Variants in CD2AP observed in about 807,000 individuals in gnomAD.
The protein encoded by CD2AP is CD2-associated protein.
In CD2AP, 46 loss-of-function variants were observed where a neutral mutation model predicts 85.1. The ratio of observed to expected loss-of-function variants is 0.54; its 90% confidence interval spans 0.43 to 0.69. The LOEUF is 0.69. Ranked by LOEUF, CD2AP falls within the 30% of genes least tolerant of loss-of-function variation. CD2AP has a pLI of 0.00. For missense variants in CD2AP, 769 were observed against 729.5 expected, an observed-to-expected ratio of 1.05 and a Z score of -0.62; for synonymous variants, 255 against 252.9, an observed-to-expected ratio of 1.01 and a Z score of -0.08.
chr6:47,541,743 C>T (rs1767221622), intron 3 of CD2AP, among the ~76,000 whole-genome samples: 1 of 152,098 alleles, frequency 6.6e-6, no homozygotes, highest in Admixed American at 6.5e-5. Context: ...ATTTTATGGC[C>T]CAGGAAATTG....
chr6:47,624,470 T>G lies in CD2AP; in HGVS notation c.*243T>G. ...GGATTGCAAACACTTTTTAAAAAAT[T>G]GTTTGCTTGAAAATACTACTGAATA... On this transcript the variant is annotated 3_prime_UTR_variant, in exon 18 of 18. Coordinates refer to ENST00000359314, the MANE Select transcript of CD2AP (RefSeq NM_012120.3). 1 of 466,064 alleles carries G rather than the reference T, an allele frequency of 2.1e-6. No homozygotes were observed. The highest frequency in any genetic ancestry group is 3.8e-6 in the Non-Finnish European group (1 of 263,130). The allele number at this position is 466,064 out of a possible 1,614,324, so 28.9% of individuals were successfully genotyped here.
intron 1 of CD2AP, among the ~76,000 whole-genome samples, chr6:47,500,236 A>G (rs1765965546): frequency 6.6e-6 from 1 of 152,164 alleles, no homozygotes; most frequent in Admixed American, 6.5e-5. Flanking sequence ...TTAGCATTTT[A>G]TCTCGTTGAA....
chr6:47,612,915 C>T (rs1405882111), intron 17 of CD2AP, among the ~76,000 whole-genome samples: 1 of 152,106 alleles, frequency 6.6e-6, no homozygotes, highest in Non-Finnish European at 1.5e-5. Flanking sequence ...TGGAGTCAGT[C>T]CTCTTAAACC....
chr6:47,544,921 T>G, intron 4 of CD2AP: 2 of 461,550 alleles, frequency 4.3e-6, no homozygotes, highest in South Asian at 6.1e-5. Flanking sequence ...AGCTAAAAAT[T>G]AATGAAATCT....
chr6:47,608,055 GT>G, intron 15 of CD2AP, 27 bp downstream of exon 15: 1 of 1,499,730 alleles, frequency 6.7e-7, no homozygotes, highest in Non-Finnish European at 9.3e-7. Flanking sequence ...TCTAAGGTTT[GT>G]TGACTTTCTG....
rs370207113 is a variant in CD2AP at position 47,599,295 on chromosome 6, T to C, written c.1275-6T>C. 8.7e-6 allele frequency: 14 copies of C among 1,611,338 alleles called. No homozygotes were observed. Among genetic ancestry groups the C allele is most frequent in the Non-Finnish European group, 1.2e-5 (14 of 1,178,274 alleles). On this transcript the variant is annotated splice_region_variant and splice_polypyrimidine_tract_variant and intron_variant, in intron 12 of 17. Coordinates refer to ENST00000359314, the MANE Select transcript of CD2AP (RefSeq NM_012120.3). The stretch of plus-strand genomic sequence containing the variant: ...GTGATTTTTGCGTGTTTTTTTCTTA[T>C]TTCAGGATTAATGGGGAAGTTTCTA...
chr6:47,576,487 A>C (rs766248270), intron 6 of CD2AP, 37 bp from the exon 7 acceptor site: 1 of 1,327,928 alleles, frequency 7.5e-7, no homozygotes, highest in Admixed American at 1.7e-5. Flanking sequence ...TCTTTATTCT[A>C]TCTTAAAATA....
intron 17 of CD2AP, 144 bp downstream of exon 17, chr6:47,612,680 CAAAA>C: frequency 3.1e-6 from 2 of 653,902 alleles, no homozygotes; most frequent in Non-Finnish European, 5.6e-6. Context: ...TATTCAGTCA[CAAAA>C]AAAGAATGAG....
chr6:47,487,057 G>T (rs541594644), intron 1 of CD2AP, among the ~76,000 whole-genome samples: 53 of 152,302 alleles, frequency 3.5e-4, no homozygotes, highest in Non-Finnish European at 5.0e-4. Context: ...CTGTTGTGCT[G>T]TAGCAGGTTG....
At chr6:47,497,341 C>T (rs867910441) in intron 1 of CD2AP, among the ~76,000 whole-genome samples, 276 of 136,600 alleles carry the variant, frequency 2.0e-3, no homozygotes, top group African/African-American at 7.7e-3. Flanking sequence ...CTTTCCCTTC[C>T]CTTCCCTCCC....
chr6:47,552,482 CT>C (rs1371843416), intron 4 of CD2AP, among the ~76,000 whole-genome samples: 1 of 152,096 alleles, frequency 6.6e-6, no homozygotes, highest in Non-Finnish European at 1.5e-5. Context: ...TATTTTGTTC[CT>C]TTTTATGGCT....
At chr6:47,548,918 T>C (rs1767439576) in intron 4 of CD2AP, among the ~76,000 whole-genome samples, 1 of 152,174 alleles carries the variant, frequency 6.6e-6, no homozygotes, top group South Asian at 2.1e-4. Context: ...TCAGTAAATA[T>C]GATATGTCAC....
intron 3 of CD2AP, among the ~76,000 whole-genome samples, chr6:47,538,810 A>G (rs549173685): frequency 3.3e-5 from 5 of 152,262 alleles, no homozygotes; most frequent in Admixed American, 6.5e-5. Context: ...ATTTACATCT[A>G]TTTTTCAGAC....
chr6:47,611,053 T>A (rs1204141076), intron 16 of CD2AP, among the ~76,000 whole-genome samples: 1 of 146,784 alleles, frequency 6.8e-6, no homozygotes, highest in East Asian at 1.9e-4. Context: ...TCTGGCAAAG[T>A]GAAACTGAAT....
chr6:47,536,603 C>G (rs530912858), intron 3 of CD2AP, among the ~76,000 whole-genome samples: 1 of 152,090 alleles, frequency 6.6e-6, no homozygotes, highest in Non-Finnish European at 1.5e-5. Context: ...GTAATGAAGC[C>G]GTGAAAACTT....
intron 4 of CD2AP, among the ~76,000 whole-genome samples, chr6:47,547,353 A>G (rs1258182119): frequency 6.6e-6 from 1 of 152,292 alleles, no homozygotes; most frequent in East Asian, 1.9e-4. Context: ...AAGACATTTC[A>G]TGCAAATGGA....
chr6:47,562,592 T>G (rs9367286), intron 5 of CD2AP: 128,799 of 371,306 alleles, frequency 0.35, 24,967 homozygotes, highest in Middle Eastern at 0.46. Flanking sequence ...TGTTGAAGAT[T>G]TGGCTTCACC....
chr6:47,537,437 G>A (rs923839569), intron 3 of CD2AP, among the ~76,000 whole-genome samples: 3 of 151,940 alleles, frequency 2.0e-5, no homozygotes, highest in African/African-American at 7.2e-5. Flanking sequence ...AACAGGGTAG[G>A]CTGTTCTAAC....
chr6:47,611,067 AG>A (rs1171930710), intron 16 of CD2AP, among the ~76,000 whole-genome samples: 1 of 146,034 alleles, frequency 6.8e-6, no homozygotes, highest in East Asian at 2.0e-4. Flanking sequence ...ACTGAATGGC[AG>A]GTTTTTTTTT....
Sources: allele counts gnomAD v4.1 joint callset (sites outside exome capture counted in the v4.1 genomes callset), GRCh38; gene constraint gnomAD v4.1.1; transcripts MANE v1.5; gene names NCBI Gene and HGNC (gene_info 2026-07-23, HGNC 2026-07-21).